MAGI1: variants seen among roughly 807,000 people sequenced by gnomAD.
MAGI1 encodes membrane associated guanylate kinase, WW and PDZ domain containing 1.
Under a neutral mutation model 139.9 loss-of-function variants are expected in MAGI1, and 58 were observed. The observed-to-expected ratio is 0.41, with a 90% CI of 0.34 to 0.52. The LOEUF is 0.52. Ranked by LOEUF, MAGI1 falls within the 20% of genes least tolerant of loss-of-function variation. MAGI1 has a pLI of 0.12. For synonymous variants in MAGI1, 812 were observed against 737.9 expected (o/e 1.10, Z -1.63); for missense variants, 1,874 against 1,901.6 (o/e 0.99, Z 0.27).
intron 1 of MAGI1, among the ~76,000 whole-genome samples, chr3:65,930,279 G>A (rs11915667): frequency 0.014 from 1,868 of 134,610 alleles, 36 homozygotes; most frequent in African/African-American, 0.049. Context: ...TAGCGCCACT[G>A]CACTCCAGCC....
At chr3:66,016,602 C>T (rs538636923) in intron 1 of MAGI1, among the ~76,000 whole-genome samples, 26 of 152,174 alleles carry the variant, frequency 1.7e-4, no homozygotes, top group African/African-American at 6.3e-4. Context: ...AGTGGTGCTC[C>T]GGAGAGACCC....
intron 16 of MAGI1, among the ~76,000 whole-genome samples, chr3:65,379,936 C>T (rs987523525): frequency 6.6e-6 from 1 of 152,242 alleles, no homozygotes; most frequent in Non-Finnish European, 1.5e-5. Flanking sequence ...TGAAGACCGC[C>T]ATCTTGGCTT....
intron 1 of MAGI1, among the ~76,000 whole-genome samples, chr3:65,951,761 C>G (rs575066504): frequency 2.0e-5 from 3 of 152,118 alleles, no homozygotes; most frequent in Non-Finnish European, 4.4e-5. Flanking sequence ...ATCATTTTTA[C>G]GCATGGAGTT....
At chr3:65,519,620 G>A (rs1239721505) in intron 2 of MAGI1, among the ~76,000 whole-genome samples, 37 of 152,034 alleles carry the variant, frequency 2.4e-4, no homozygotes, top group Admixed American at 2.4e-3. Context: ...TCCTGACCTC[G>A]TGATCCACCC....
intron 1 of MAGI1, among the ~76,000 whole-genome samples, chr3:65,987,832 G>A (rs1488941738): frequency 1.3e-5 from 2 of 152,186 alleles, no homozygotes; most frequent in Non-Finnish European, 2.9e-5. Flanking sequence ...GCCTCCCAAT[G>A]TATTGAGATT....
At chr3:65,982,069 G>A (rs2065611591) in intron 1 of MAGI1, among the ~76,000 whole-genome samples, 2 of 152,224 alleles carry the variant, frequency 1.3e-5, no homozygotes, top group African/African-American at 4.8e-5. Flanking sequence ...CAGGGTTGGA[G>A]ACTTTCACTA....
chr3:65,817,524 A>T (rs930298887), intron 1 of MAGI1, among the ~76,000 whole-genome samples: 2 of 152,218 alleles, frequency 1.3e-5, no homozygotes, highest in African/African-American at 4.8e-5. Context: ...AACTGCCTGG[A>T]GAGGAAAAGC....
Position 65,411,273 on chromosome 3 carries a change from C to T in MAGI1, c.2168-9803G>A, listed in dbSNP as rs189270018. On this transcript the variant is annotated intron_variant, in intron 12 of 22. Coordinates refer to ENST00000402939, the MANE Select transcript of MAGI1 (RefSeq NM_001033057.2). ...AAAATGCTTCTACCTCTAAGGAAGA[C>T]TCCTTAACTACCATACCGACAACTT... Among the ~76,000 whole-genome samples the T allele has an allele frequency of 2.1e-4, 32 of 152,290 alleles. No individual in the cohort carries two copies. In the East Asian group the frequency reaches 4.6e-3, roughly 22 times the overall value.
At chr3:65,460,757 C>A (rs1253073278) in intron 5 of MAGI1, among the ~76,000 whole-genome samples, 1 of 151,972 alleles carries the variant, frequency 6.6e-6, no homozygotes, top group Non-Finnish European at 1.5e-5. Flanking sequence ...GCCCATATGT[C>A]CTCATTGTTC....
intron 1 of MAGI1, among the ~76,000 whole-genome samples, chr3:65,702,268 T>A (rs1226956898): frequency 6.6e-6 from 1 of 152,196 alleles, no homozygotes; most frequent in Non-Finnish European, 1.5e-5. Flanking sequence ...GCCACCCTGC[T>A]TCTTTAAAAA....
chr3:65,550,754 C>A (rs892912163), intron 2 of MAGI1, among the ~76,000 whole-genome samples: 3 of 151,890 alleles, frequency 2.0e-5, no homozygotes, highest in African/African-American at 7.3e-5. Flanking sequence ...CACTTGAGCC[C>A]CGAAGTTTGT....
intron 14 of MAGI1, among the ~76,000 whole-genome samples, chr3:65,385,512 G>C (rs1943377906): frequency 6.6e-6 from 1 of 152,210 alleles, no homozygotes; most frequent in South Asian, 2.1e-4. Context: ...TAGGGAAGAA[G>C]AAGGTGGATG....
chr3:65,766,361 G>A (rs145718611), intron 1 of MAGI1, among the ~76,000 whole-genome samples: 18 of 152,162 alleles, frequency 1.2e-4, no homozygotes, highest in Admixed American at 3.3e-4. Flanking sequence ...GATTCTTTCC[G>A]GGTACCATAT....
intron 2 of MAGI1, among the ~76,000 whole-genome samples, chr3:65,529,827 A>G (rs945219507): frequency 2.6e-5 from 4 of 151,884 alleles, no homozygotes; most frequent in East Asian, 1.9e-4. Context: ...ATATATACAC[A>G]TATATACATA....
chr3:65,522,675 T>C (rs1349053511), intron 2 of MAGI1, among the ~76,000 whole-genome samples: 1 of 152,168 alleles, frequency 6.6e-6, no homozygotes, highest in Non-Finnish European at 1.5e-5. Flanking sequence ...TCCCCAGTCA[T>C]AGGTGTCAGT....
intron 1 of MAGI1, among the ~76,000 whole-genome samples, chr3:65,722,635 A>T (rs2033168488): frequency 6.6e-6 from 1 of 152,204 alleles, no homozygotes; most frequent in South Asian, 2.1e-4. Context: ...CCTGTCTCAA[A>T]AACAAAAAAA....
chr3:65,597,547 G>A (rs924728444), intron 2 of MAGI1: 13 of 413,304 alleles, frequency 3.1e-5, no homozygotes, highest in African/African-American at 2.0e-4. Flanking sequence ...GGGCCTGCCT[G>A]GTGAATTAAA....
intron 1 of MAGI1, among the ~76,000 whole-genome samples, chr3:65,996,854 T>C (rs1260457947): frequency 2.6e-5 from 4 of 152,206 alleles, no homozygotes; most frequent in African/African-American, 7.2e-5. Flanking sequence ...GCGGCCAAGA[T>C]AAAAGATTAA....
intron 18 of MAGI1, chr3:65,371,908 T>G (rs1226026284): frequency 6.7e-6 from 3 of 448,958 alleles, no homozygotes; most frequent in Non-Finnish European, 1.3e-5. Flanking sequence ...TCTTGCTATT[T>G]CCACCACAAA....
Sources: allele counts gnomAD v4.1 joint callset (sites outside exome capture counted in the v4.1 genomes callset), GRCh38; gene constraint gnomAD v4.1.1; transcripts MANE v1.5; gene names NCBI Gene and HGNC (gene_info 2026-07-23, HGNC 2026-07-21).